Variants in XXYLT1 observed in about 807,000 individuals in gnomAD.
The protein encoded by XXYLT1 is UDP-xylose:alpha-xyloside alpha-1,3-xylosyltransferase.
XXYLT1 carries 20 observed loss-of-function variants against 28.9 expected under a neutral mutation model. The ratio of observed to expected loss-of-function variants is 0.69; its 90% CI spans 0.49 to 1.00. The LOEUF is 1.00. Among genes scored for constraint, XXYLT1 ranks in the 50% least tolerant of loss-of-function variants. The probability of loss-of-function intolerance (pLI) is 0.00; values close to 1 mark genes in which losing one functional copy is unlikely to be tolerated. For missense variants in XXYLT1, 542 were observed against 560.1 expected, an observed-to-expected ratio of 0.97 and a Z score of 0.33; for synonymous variants, 257 against 253.8, an observed-to-expected ratio of 1.01 and a Z score of -0.12.
rs1724716241 is a variant in XXYLT1 at position 195,240,181 on chromosome 3, T to C, written c.505-13325A>G. On this transcript the variant is annotated intron_variant, in intron 1 of 3. Coordinates refer to ENST00000310380, the MANE Select transcript of XXYLT1 (RefSeq NM_152531.5). The surrounding 1 kb of genome is among the most constrained non-coding windows in gnomAD (Gnocchi z 4.7). ...AAGTGCTGTGTGATATAAAAGACCT[T>C]GGAAAGGCTCAACTCTTTCGAAAGG... 1.3e-5 allele frequency among the ~76,000 whole-genome samples: 2 copies of C among 152,314 alleles called. No individual in the cohort carries two copies. Among genetic ancestry groups the C allele is most frequent in the Admixed American group, 6.5e-5 (1 of 15,300 alleles).
rs1432023864 is a variant in XXYLT1 at position 195,077,208 on chromosome 3, G to T, written c.786-7097C>A. Among the ~76,000 whole-genome samples the T allele has an allele frequency of 2.0e-5, 3 of 152,168 alleles. No homozygotes were observed. The highest frequency in any genetic ancestry group is 4.4e-5 in the Non-Finnish European group (3 of 68,020). The stretch of plus-strand genomic sequence containing the variant: ...AAGGCAGGTGTCAGTGGCTGGGGAA[G>T]GGAAAAGCAGAGGGATGGGAGATGA... On this transcript the variant is annotated intron_variant, in intron 3 of 3. Coordinates refer to ENST00000310380, the MANE Select transcript of XXYLT1 (RefSeq NM_152531.5). This position sits in a 1 kb window ranked among gnomAD's most constrained non-coding sequence, Gnocchi z 4.8.
chr3:195,198,915 C>T (rs1272413504), intron 2 of XXYLT1, among the ~76,000 whole-genome samples: 5 of 152,032 alleles, frequency 3.3e-5, no homozygotes, highest in South Asian at 2.1e-4. Flanking sequence ...AGTTCTCCGA[C>T]GGGAAGGCAA....
At chr3:195,185,703 G>A (rs772597189) in intron 2 of XXYLT1, among the ~76,000 whole-genome samples, 7 of 151,994 alleles carry the variant, frequency 4.6e-5, no homozygotes, top group South Asian at 2.1e-4. Flanking sequence ...CCCTCTGGGC[G>A]CTGAGGGACA....
intron 3 of XXYLT1, among the ~76,000 whole-genome samples, chr3:195,080,130 C>A (rs1460151441): frequency 1.3e-5 from 2 of 152,134 alleles, no homozygotes; most frequent in East Asian, 3.9e-4. Context: ...GCCTCGGGCC[C>A]AGTCACTAGA....
intron 2 of XXYLT1, among the ~76,000 whole-genome samples, chr3:195,159,235 C>G (rs906648287): frequency 6.6e-6 from 1 of 152,148 alleles, no homozygotes; most frequent in Non-Finnish European, 1.5e-5. Flanking sequence ...CTTGAGAAAA[C>G]GCAACAAAAA....
At chr3:195,131,936 A>G (rs755676615) in intron 3 of XXYLT1, among the ~76,000 whole-genome samples, 6 of 152,202 alleles carry the variant, frequency 3.9e-5, no homozygotes, top group African/African-American at 1.2e-4. Flanking sequence ...AGGTTTGCCA[A>G]TGAAGACAGA....
Position 195,076,642 on chromosome 3 carries a change from C to T in XXYLT1, c.786-6531G>A, listed in dbSNP as rs980020062. ...CCTCTCCGTTCGGCGGGCTGGAAGT[C>T]CAAGATCACAGTGCTGGCAGCTGGC... is the stretch of plus-strand genomic sequence containing the variant. On this transcript the variant is annotated intron_variant, in intron 3 of 3. Coordinates refer to ENST00000310380, the MANE Select transcript of XXYLT1 (RefSeq NM_152531.5). This position sits in a 1 kb window ranked among gnomAD's most constrained non-coding sequence, Gnocchi z 5.3. 6.6e-6 allele frequency among the ~76,000 whole-genome samples: 1 copy of T among 152,162 alleles called. No individual in the cohort carries two copies. The highest frequency in any genetic ancestry group is 1.5e-5 in the Non-Finnish European group (1 of 68,028).
At chr3:195,188,687 C>A (rs1722302058) in intron 2 of XXYLT1, among the ~76,000 whole-genome samples, 1 of 152,218 alleles carries the variant, frequency 6.6e-6, no homozygotes, top group Non-Finnish European at 1.5e-5. Context: ...GCTTGCTTGT[C>A]CTGCATCATA....
chr3:195,158,015 C>A (rs1720692995), intron 2 of XXYLT1, among the ~76,000 whole-genome samples: 1 of 152,214 alleles, frequency 6.6e-6, no homozygotes, highest in Non-Finnish European at 1.5e-5. Flanking sequence ...CACAGCACCA[C>A]ACTGGCCAAA....
At chr3:195,110,249 G>GTGT (rs1717482531) in intron 3 of XXYLT1, among the ~76,000 whole-genome samples, 3 of 1,374 alleles carry the variant, frequency 2.2e-3, no homozygotes, top group African/African-American at 3.7e-3. Context: ...TGCGTGTGTG[G>GTGT]GTGAAGTGTG....
chr3:195,166,671 C>T (rs1197867992), intron 2 of XXYLT1, among the ~76,000 whole-genome samples: 1 of 151,382 alleles, frequency 6.6e-6, no homozygotes, highest in Non-Finnish European at 1.5e-5. Context: ...GAATATGGGC[C>T]ATTTTTTTTT....
chr3:195,200,619 G>T (rs932346038), intron 2 of XXYLT1, among the ~76,000 whole-genome samples: 1 of 152,206 alleles, frequency 6.6e-6, no homozygotes, highest in East Asian at 1.9e-4. Flanking sequence ...TGACTCACAT[G>T]AACACCCTCA....
chr3:195,106,215 T>C (rs1717072358), intron 3 of XXYLT1, among the ~76,000 whole-genome samples: 1 of 152,210 alleles, frequency 6.6e-6, no homozygotes, highest in South Asian at 2.1e-4. Context: ...TGTCATTCAC[T>C]AGTGTTCTCG....
chr3:195,149,534 G>A (rs545606910), intron 3 of XXYLT1, among the ~76,000 whole-genome samples: 1 of 152,308 alleles, frequency 6.6e-6, no homozygotes, highest in South Asian at 2.1e-4. Flanking sequence ...GGGGGAAAGT[G>A]GAAGCCAGGC....
rs1193114506 is a variant in XXYLT1 at position 195,150,813 on chromosome 3, TACAC to T, written c.785+5632_785+5635del. 6.7e-6 allele frequency among the ~76,000 whole-genome samples: 1 copy of T among 148,984 alleles called. No individual in the cohort carries two copies. The highest frequency in any genetic ancestry group is 1.5e-5 in the Non-Finnish European group (1 of 67,052). On this transcript the variant is annotated intron_variant, in intron 3 of 3. Transcript: ENST00000310380. The surrounding 1 kb of genome is among the most constrained non-coding windows in gnomAD (Gnocchi z 4.7). The stretch of plus-strand genomic sequence containing the variant: ...ATATGCACACTCTCACACACTCACA[TACAC>T]ACACACTCACACATACGCACACTCT...
chr3:195,160,892 G>A (rs573120048), intron 2 of XXYLT1, among the ~76,000 whole-genome samples: 3 of 152,332 alleles, frequency 2.0e-5, no homozygotes, highest in African/African-American at 7.2e-5. Flanking sequence ...AACTTGGGTC[G>A]CTTCTGGGCT....
intron 3 of XXYLT1, among the ~76,000 whole-genome samples, chr3:195,120,303 C>CCCCCCCCCCCCCT (rs1560106289): frequency 2.1e-5 from 3 of 142,158 alleles, no homozygotes; most frequent in Non-Finnish European, 4.6e-5. Context: ...GCCCCAGCCC[C>CCCCCCCCCCCCCT]CATGGCCACA....
chr3:195,086,074 C>G (rs540835001), intron 3 of XXYLT1: 1 of 152,412 alleles, frequency 6.6e-6, no homozygotes, highest in East Asian at 1.9e-4. Context: ...CAGAGCACAC[C>G]TGGGCAAAAC....
intron 3 of XXYLT1, among the ~76,000 whole-genome samples, chr3:195,100,032 T>C (rs73890672): frequency 0.053 from 8,019 of 152,088 alleles, 729 homozygotes; most frequent in African/African-American, 0.18. Context: ...GTACAATAAA[T>C]ATCTATAGAA....
Sources: gnomAD v4.1 joint callset for allele counts (sites outside exome capture counted in the v4.1 genomes callset) on GRCh38, gnomAD v4.1.1 for gene constraint, Gnocchi (gnomAD v3.1) non-coding constraint, MANE v1.5 for transcripts, NCBI Gene and HGNC (gene_info 2026-07-23, HGNC 2026-07-21) for gene names.